The following SLC1A2 variants were observed in gnomAD, a reference collection of about 807,000 sequenced individuals.
The protein encoded by SLC1A2 is excitatory amino acid transporter 2.
SLC1A2 carries 15 observed loss-of-function variants against 48.8 expected under a neutral mutation model. That is an observed-to-expected ratio of 0.31 (90% confidence interval 0.21 to 0.47). SLC1A2 has a LOEUF of 0.47. Ranked by LOEUF, SLC1A2 falls within the 20% of genes least tolerant of loss-of-function variation. The probability of loss-of-function intolerance (pLI) is 0.99; values close to 1 mark genes in which losing one functional copy is unlikely to be tolerated. For missense variants in SLC1A2, 502 were observed against 730.5 expected, an observed-to-expected ratio of 0.69 and a Z score of 3.61; for synonymous variants, 279 against 272.6, an observed-to-expected ratio of 1.02 and a Z score of -0.23.
rs1358734010 is a variant in SLC1A2, at chr11:35,397,362, A to G, written c.17+21588T>C. ...ATCAATGGAACAGAACAGAGCCCTC[A>G]GAAATAACGCCGCATACCTACAACT... On this transcript the variant is annotated intron_variant, in intron 1 of 10. Coordinates refer to ENST00000278379, the MANE Select transcript of SLC1A2 (RefSeq NM_004171.4). 2.1e-5 allele frequency among the ~76,000 whole-genome samples: 3 copies of G among 142,868 alleles called. No individual in the cohort carries two copies. In the East Asian group the frequency reaches 6.2e-4, roughly 29 times the overall value. The allele number at this position is 142,868 out of a possible 152,430, so 93.7% of individuals were successfully genotyped here. A position where few individuals can be genotyped will look rare whatever the true frequency, so the allele number is the denominator to read the frequency against.
intron 1 of SLC1A2, among the ~76,000 whole-genome samples, chr11:35,349,621 C>G (rs1443048600): frequency 6.6e-6 from 1 of 152,220 alleles, no homozygotes; most frequent in African/African-American, 2.4e-5. Context: ...TGAGAAAGCT[C>G]TACTCTCTCC....
intron 1 of SLC1A2, among the ~76,000 whole-genome samples, chr11:35,373,937 C>T (rs1029728542): frequency 9.2e-5 from 14 of 152,322 alleles, no homozygotes; most frequent in African/African-American, 2.6e-4. Context: ...CTAAGAACGT[C>T]GGCTCCAAAG....
At position 35,253,834 on chromosome 11, in the gene SLC1A2, A is replaced by T. The variant is rs941997721; in HGVS notation, c.*7060T>A. The T allele has an allele frequency of 2.0e-5, 3 of 152,656 alleles. No homozygotes were observed. The highest frequency in any genetic ancestry group is 4.4e-5 in the Non-Finnish European group (3 of 68,042). The allele number at this position is 152,656 out of a possible 1,614,324, so 9.5% of individuals were successfully genotyped here. On this transcript the variant is annotated 3_prime_UTR_variant, in exon 11 of 11. Coordinates refer to ENST00000278379, the MANE Select transcript of SLC1A2 (RefSeq NM_004171.4). Reference sequence around the variant, plus strand: ...TAAGAAAATATGTCTGCAAAATTACAGATACTAAATAGATTAATTCAGTCT... The same window carrying T: ...TAAGAAAATATGTCTGCAAAATTACTGATACTAAATAGATTAATTCAGTCT...
intron 1 of SLC1A2, among the ~76,000 whole-genome samples, chr11:35,381,969 C>G (rs1854436234): frequency 6.6e-6 from 1 of 152,176 alleles, no homozygotes; most frequent in Non-Finnish European, 1.5e-5. Context: ...GTACCCTGCA[C>G]AAAGCCAACA....
At chr11:35,416,738 T>C (rs1395853186) in intron 1 of SLC1A2, among the ~76,000 whole-genome samples, 1 of 152,266 alleles carries the variant, frequency 6.6e-6, no homozygotes, top group East Asian at 1.9e-4. Flanking sequence ...ATTTCAATAT[T>C]GTTAGAGGGC....
At chr11:35,325,893 G>A (rs765337207) in intron 1 of SLC1A2, among the ~76,000 whole-genome samples, 2 of 151,566 alleles carry the variant, frequency 1.3e-5, no homozygotes, top group African/African-American at 4.9e-5. Flanking sequence ...GAACCCAGGA[G>A]GTGGAGGTTG....
intron 1 of SLC1A2, among the ~76,000 whole-genome samples, chr11:35,385,995 G>A (rs1228224611): frequency 1.3e-5 from 2 of 151,990 alleles, no homozygotes. Context: ...GTGAAACCCC[G>A]TCTCTACTAA....
chr11:35,419,758 G>A, upstream of SLC1A2: 1 of 280,076 alleles, frequency 3.6e-6, no homozygotes. The surrounding 1 kb of genome is among the most constrained non-coding windows in gnomAD (Gnocchi z 5.4). Context: ...TGTTTCCCCT[G>A]AAGCCCGCGT....
chr11:35,382,674 T>C (rs1180073197), intron 1 of SLC1A2, among the ~76,000 whole-genome samples: 1 of 152,136 alleles, frequency 6.6e-6, no homozygotes, highest in Non-Finnish European at 1.5e-5. Flanking sequence ...CAGGTGCCTG[T>C]AGCCCCAGCT....
chr11:35,324,498 T>C (rs1162141009), intron 1 of SLC1A2, among the ~76,000 whole-genome samples: 4 of 152,264 alleles, frequency 2.6e-5, no homozygotes, highest in African/African-American at 9.6e-5. Flanking sequence ...TAGTATCTGA[T>C]ATATAGTAGA....
At chr11:35,272,099 T>C (rs1033082183) in intron 9 of SLC1A2, among the ~76,000 whole-genome samples, 2 of 152,166 alleles carry the variant, frequency 1.3e-5, no homozygotes, top group Admixed American at 1.3e-4. Context: ...TATTTGAACA[T>C]GTTTAAATCA....
At chr11:35,283,916 T>A (rs1850721376) in intron 8 of SLC1A2, among the ~76,000 whole-genome samples, 1 of 151,596 alleles carries the variant, frequency 6.6e-6, no homozygotes, top group Non-Finnish European at 1.5e-5. Context: ...TCAATAATAA[T>A]AATAGAAGCT....
chr11:35,305,179 C>A (rs1231025293), intron 5 of SLC1A2, among the ~76,000 whole-genome samples: 3 of 152,182 alleles, frequency 2.0e-5, no homozygotes, highest in Admixed American at 2.0e-4. Flanking sequence ...GGGAGGGGAG[C>A]AAACTGGGCA....
At chr11:35,395,512 C>T (rs1854923852) in intron 1 of SLC1A2, among the ~76,000 whole-genome samples, 1 of 151,846 alleles carries the variant, frequency 6.6e-6, no homozygotes, top group African/African-American at 2.4e-5. Context: ...AAGGAGAGGC[C>T]CATGGGGAGG....
intron 1 of SLC1A2, among the ~76,000 whole-genome samples, chr11:35,363,085 G>C (rs538603768): frequency 5.7e-4 from 87 of 152,270 alleles, no homozygotes; most frequent in African/African-American, 1.9e-3. Context: ...CTCAAAGTCG[G>C]ACTCCTGAGC....
At chr11:35,339,269 T>C (rs1005553666) in intron 1 of SLC1A2, among the ~76,000 whole-genome samples, 4 of 152,204 alleles carry the variant, frequency 2.6e-5, no homozygotes, top group African/African-American at 9.7e-5. Context: ...CTCAATGCGG[T>C]GAACAAGATT....
At chr11:35,366,386 CTGTG>C (rs1339033349) in intron 1 of SLC1A2, among the ~76,000 whole-genome samples, 3 of 152,200 alleles carry the variant, frequency 2.0e-5, no homozygotes, top group African/African-American at 7.2e-5. Context: ...AGGCTACTCT[CTGTG>C]TGTACACACG....
intron 3 of SLC1A2, among the ~76,000 whole-genome samples, chr11:35,313,824 T>C (rs988455707): frequency 9.9e-5 from 15 of 152,152 alleles, no homozygotes; most frequent in African/African-American, 3.4e-4. Context: ...AGTTCCAGCA[T>C]TTCAGGTACT....
At chr11:35,395,929 T>C (rs1014372642) in intron 1 of SLC1A2, among the ~76,000 whole-genome samples, 3 of 148,148 alleles carry the variant, frequency 2.0e-5, no homozygotes, top group Non-Finnish European at 4.5e-5. Context: ...ATGCGGTGTT[T>C]GGTTTTTTGT....
Sources: allele counts gnomAD v4.1 joint callset (sites outside exome capture counted in the v4.1 genomes callset), GRCh38; gene constraint gnomAD v4.1.1; non-coding constraint Gnocchi (gnomAD v3.1); transcripts MANE v1.5; gene names NCBI Gene and HGNC (gene_info 2026-07-23, HGNC 2026-07-21).